The following ADGRB3 variants were observed in gnomAD, a reference collection of about 807,000 sequenced individuals.
ADGRB3 encodes adhesion G protein-coupled receptor B3.
In ADGRB3, 37 loss-of-function variants were observed where a neutral mutation model predicts 193.4. The observed-to-expected ratio is 0.19, with a 90% CI of 0.15 to 0.25. The LOEUF (loss-of-function observed/expected upper bound fraction) is 0.25, where lower values mean the gene tolerates loss of function less well. Ranked by LOEUF, ADGRB3 falls within the 10% of genes least tolerant of loss-of-function variation. The pLI, the probability that ADGRB3 is intolerant of heterozygous loss-of-function variation, is 1.00. For synonymous variants in ADGRB3, 690 were observed against 644.2 expected (o/e 1.07, Z -1.08); for missense variants, 1,637 against 1,852.9 (o/e 0.88, Z 2.14).
chr6:69,383,129 A>G (rs1387969091), intron 31 of ADGRB3, among the ~76,000 whole-genome samples, 194 bp downstream of exon 31: 1 of 152,018 alleles, frequency 6.6e-6, no homozygotes, highest in Non-Finnish European at 1.5e-5. Flanking sequence ...CATTTTATTC[A>G]TATTTCAAAT....
chr6:69,281,701 G>A lies in ADGRB3; in HGVS notation c.2814+42475G>A, dbSNP rs1345790614. 4.6e-5 allele frequency among the ~76,000 whole-genome samples: 7 copies of A among 152,296 alleles called. No individual in the cohort carries two copies. The East Asian group carries it at 1.2e-3, about 25-fold the overall frequency. ...TCCTGCCAAGATTCTGGAGGGATTA[G>A]TTAAGTGAGGCCATGGAGAAGGATT... is the stretch of plus-strand genomic sequence containing the variant. On this transcript the variant is annotated intron_variant, in intron 20 of 31. Transcript: ENST00000370598.
At chr6:68,903,645 C>T (rs143951181) in intron 3 of ADGRB3, among the ~76,000 whole-genome samples, 12 of 152,146 alleles carry the variant, frequency 7.9e-5, no homozygotes, top group East Asian at 3.9e-4. Flanking sequence ...CAGTAGCAGG[C>T]CTGCTCCTGT....
chr6:69,264,371 A>G (rs1164743066), intron 20 of ADGRB3, among the ~76,000 whole-genome samples: 1 of 151,974 alleles, frequency 6.6e-6, no homozygotes, highest in Non-Finnish European at 1.5e-5. Context: ...CTGACCTGCC[A>G]GTCTTGAAAA....
At chr6:69,035,579 T>C (rs971372532) in intron 13 of ADGRB3, among the ~76,000 whole-genome samples, 36 of 152,252 alleles carry the variant, frequency 2.4e-4, no homozygotes, top group Admixed American at 1.8e-3. Flanking sequence ...AAAGGATTTC[T>C]TATTTTATAC....
At chr6:68,905,046 C>T (rs573570373) in intron 3 of ADGRB3, among the ~76,000 whole-genome samples, 1 of 152,296 alleles carries the variant, frequency 6.6e-6, no homozygotes, top group African/African-American at 2.4e-5. Flanking sequence ...GGACTGCCAA[C>T]TTGGCTCATA....
intron 17 of ADGRB3, among the ~76,000 whole-genome samples, chr6:69,097,426 A>G (rs1045235181): frequency 6.6e-6 from 1 of 152,170 alleles, no homozygotes; most frequent in Non-Finnish European, 1.5e-5. Flanking sequence ...GAGGATTACA[A>G]TTCCTCTGGT....
intron 17 of ADGRB3, among the ~76,000 whole-genome samples, chr6:69,224,678 A>G (rs1038600266): frequency 6.6e-6 from 1 of 152,206 alleles, no homozygotes; most frequent in Non-Finnish European, 1.5e-5. Context: ...CACATCACAT[A>G]TAATTGATCC....
At chr6:69,038,311 T>A (rs1770934581) in intron 13 of ADGRB3, among the ~76,000 whole-genome samples, 2 of 145,104 alleles carry the variant, frequency 1.4e-5, no homozygotes, top group South Asian at 4.8e-4. Flanking sequence ...GTATCAAATA[T>A]GATATCATGA....
In ADGRB3 at chr6:69,389,073, G is replaced by C. The variant is rs1317482998; in HGVS notation, c.*182G>C. The C allele has an allele frequency of 1.7e-6, 1 of 575,836 alleles. No homozygotes were observed. Among genetic ancestry groups the C allele is most frequent in the East Asian group, 3.0e-5 (1 of 33,268 alleles). The allele number at this position is 575,836 out of a possible 1,614,324, so 35.7% of individuals were successfully genotyped here. ...AGTCAGGCTAGTGGAGAGATGACCA[G>C]GTGTACAGTTCTGACCATCCTGTGT... On this transcript the variant is annotated 3_prime_UTR_variant, in exon 32 of 32. Coordinates refer to ENST00000370598, the MANE Select transcript of ADGRB3 (RefSeq NM_001704.3).
chr6:69,247,346 C>T (rs1348600676), intron 20 of ADGRB3, among the ~76,000 whole-genome samples: 1 of 152,124 alleles, frequency 6.6e-6, no homozygotes, highest in Non-Finnish European at 1.5e-5. Context: ...TAAAATCATC[C>T]TCTCCCTCCA....
intron 3 of ADGRB3, among the ~76,000 whole-genome samples, chr6:68,729,274 A>G (rs1445476371): frequency 6.6e-6 from 1 of 151,568 alleles, no homozygotes; most frequent in Non-Finnish European, 1.5e-5. Flanking sequence ...CTAGAAGTCG[A>G]TACCAGAAAT....
intron 30 of ADGRB3, among the ~76,000 whole-genome samples, chr6:69,376,220 G>A (rs12193360): frequency 6.7e-6 from 1 of 148,428 alleles, no homozygotes; most frequent in African/African-American, 2.5e-5. Context: ...CCTCCTAGTA[G>A]CTGGGACCAC....
chr6:69,151,995 A>G (rs1310886115), intron 17 of ADGRB3, among the ~76,000 whole-genome samples: 5 of 152,172 alleles, frequency 3.3e-5, no homozygotes, highest in South Asian at 2.1e-4. Context: ...TGCCATGTGA[A>G]GAAGGCCATA....
chr6:69,087,012 C>T (rs1772570310), intron 17 of ADGRB3, among the ~76,000 whole-genome samples: 1 of 152,088 alleles, frequency 6.6e-6, no homozygotes, highest in African/African-American at 2.4e-5. Flanking sequence ...AGAATTCTGT[C>T]CAACAAGGTA....
At chr6:68,898,146 G>T (rs915384543) in intron 3 of ADGRB3, among the ~76,000 whole-genome samples, 1 of 151,826 alleles carries the variant, frequency 6.6e-6, no homozygotes, top group Non-Finnish European at 1.5e-5. Flanking sequence ...GAAAGCCTGT[G>T]GTGTACTTCA....
intron 3 of ADGRB3, among the ~76,000 whole-genome samples, chr6:68,661,851 A>G (rs957972201): frequency 6.6e-6 from 1 of 151,238 alleles, no homozygotes; most frequent in African/African-American, 2.4e-5. Context: ...CAGATGCCTT[A>G]ATGGGACCAT....
At position 68,793,827 on chromosome 6, in the gene ADGRB3, C is replaced by T. The variant is rs146618883; in HGVS notation, c.758-136732C>T. Among the ~76,000 whole-genome samples the T allele has an allele frequency of 1.9e-3, 286 of 152,176 alleles. 3 individuals carry two copies. Among genetic ancestry groups the T allele is most frequent in the African/African-American group, 6.5e-3 (270 of 41,508 alleles). On this transcript the variant is annotated intron_variant, in intron 3 of 31. Transcript: ENST00000370598. ...TACAGGCATAAGCCACCACGCCCAGCGTATATTTAAAATTTTTAATTGGAT... is the reference window on the plus strand; with the variant it reads ...TACAGGCATAAGCCACCACGCCCAGTGTATATTTAAAATTTTTAATTGGAT...
intron 3 of ADGRB3, among the ~76,000 whole-genome samples, chr6:68,719,241 A>T (rs1765534618): frequency 6.6e-6 from 1 of 151,696 alleles, no homozygotes. Flanking sequence ...ACCTTCTGTG[A>T]TGATCTGTAT....
chr6:68,740,459 G>T (rs72899232), intron 3 of ADGRB3, among the ~76,000 whole-genome samples: 2,332 of 152,146 alleles, frequency 0.015, 34 homozygotes, highest in Non-Finnish European at 0.024. Flanking sequence ...TATTCTTATG[G>T]GTAATTAGAG....
Sources: allele counts gnomAD v4.1 joint callset (sites outside exome capture counted in the v4.1 genomes callset), GRCh38; gene constraint gnomAD v4.1.1; transcripts MANE v1.5; gene names NCBI Gene and HGNC (gene_info 2026-07-23, HGNC 2026-07-21).